Variants in C2orf42 observed in about 807,000 individuals in gnomAD.
The protein encoded by C2orf42 is uncharacterized protein C2orf42.
A neutral mutation model predicts 58.9 loss-of-function variants in C2orf42; 44 were observed. The observed-to-expected ratio is 0.75, with a 90% CI of 0.59 to 0.96. The LOEUF is 0.96. C2orf42 is among the 40% of genes least tolerant of loss of function. The probability of loss-of-function intolerance (pLI) is 0.00; values close to 1 mark genes in which losing one functional copy is unlikely to be tolerated. For synonymous variants in C2orf42, 239 were observed against 265.4 expected (o/e 0.90, Z 0.97); for missense variants, 630 against 699.2 (o/e 0.90, Z 1.12).
chr2:70,182,041 C>A, intron 2 of C2orf42, 44 bp from the exon 3 acceptor site: 1 of 858,846 alleles, frequency 1.2e-6, no homozygotes, highest in Non-Finnish European at 1.8e-6. Flanking sequence ...TACCTTCACA[C>A]ACAAAAAGTT....
intron 1 of C2orf42, among the ~76,000 whole-genome samples, chr2:70,186,558 C>T (rs184074192): frequency 2.0e-5 from 3 of 152,302 alleles, no homozygotes; most frequent in African/African-American, 7.2e-5. Context: ...GGCGATTCCT[C>T]AGGGATCTAG....
At chr2:70,166,625 G>A (rs912382640) in intron 6 of C2orf42, among the ~76,000 whole-genome samples, 26 of 150,618 alleles carry the variant, frequency 1.7e-4, no homozygotes, top group African/African-American at 5.9e-4. Flanking sequence ...GCAGTGAGCC[G>A]AGATCATGCC....
Position 70,160,663 on chromosome 2 carries a change from A to G in C2orf42, c.1478T>C (p.Val493Ala). 1.2e-6 allele frequency: 2 copies of G among 1,610,256 alleles called. No individual in the cohort carries two copies. Among genetic ancestry groups the G allele is most frequent in the South Asian group, 2.2e-5 (2 of 90,292 alleles). ...ETYGRIEKQP[V>A]LRPLELKTFL... Reference sequence around the variant, plus strand: ...AGTTTTTAGTTCCAAGGGTCGCAGCACTGGTTGTTTTTCTATACGACCGTA... The same window carrying G: ...AGTTTTTAGTTCCAAGGGTCGCAGCGCTGGTTGTTTTTCTATACGACCGTA... The change falls in exon 9 of 10, where the codon GTG (valine) becomes GCG (alanine). Residue 493 changes from valine (V) to alanine (A), a missense_variant. Val to Ala is a moderately conservative substitution (Grantham distance 64, BLOSUM62 0). Transcript: ENST00000264434.
intron 9 of C2orf42, among the ~76,000 whole-genome samples, chr2:70,151,961 G>A (rs1214726005): frequency 6.6e-6 from 1 of 152,010 alleles, no homozygotes; most frequent in African/African-American, 2.4e-5. Flanking sequence ...ATTTTTAGTA[G>A]AGACAGGGTT....
intron 1 of C2orf42, among the ~76,000 whole-genome samples, chr2:70,187,083 C>T (rs909006275): frequency 6.6e-6 from 1 of 151,704 alleles, no homozygotes; most frequent in African/African-American, 2.4e-5. Flanking sequence ...TGCACATGTA[C>T]CCTAAAACTT....
rs1342093930 is a variant in C2orf42 at position 70,179,736 on chromosome 2, A to T, written c.824-94T>A. 6.2e-6 allele frequency: 3 copies of T among 484,164 alleles called. No homozygotes were observed. The East Asian group carries it at 9.3e-5, about 15-fold the overall frequency. 30.0% of individuals were successfully genotyped at this position (484,164 alleles called of 1,614,324 possible). On this transcript the variant is annotated intron_variant, in intron 3 of 9. Transcript: ENST00000264434. ...AGCGAAAAGTTAATTTCTTTTTAAA[A>T]ATCCCCCAAACGAATTATCCCAGGC...
chr2:70,169,868 C>T (rs1673676511), intron 5 of C2orf42, among the ~76,000 whole-genome samples: 1 of 152,102 alleles, frequency 6.6e-6, no homozygotes, highest in African/African-American at 2.4e-5. Flanking sequence ...AAGCGATTCT[C>T]CTGCCTCAGC....
intron 5 of C2orf42, among the ~76,000 whole-genome samples, chr2:70,170,655 G>C (rs1673744655): frequency 6.6e-6 from 1 of 151,902 alleles, no homozygotes; most frequent in Non-Finnish European, 1.5e-5. Flanking sequence ...TCTGGAGGCT[G>C]AGGTGGGAGA....
At chr2:70,169,434 C>G in intron 6 of C2orf42, 123 bp downstream of exon 6, 1 of 455,578 alleles carries the variant, frequency 2.2e-6, no homozygotes, top group Non-Finnish European at 3.9e-6. Flanking sequence ...TTTCTACTTT[C>G]TTGTGGCCCA....
chr2:70,176,501 C>CA lies in C2orf42; in HGVS notation c.935-725dup, dbSNP rs59582998. ...CCTGGGCGACAGAGCGAGACTGTCTCAAAAAAAAAAAAAAATTATTTGTTA... is the reference window on the plus strand; with the variant it reads ...CCTGGGCGACAGAGCGAGACTGTCTCAAAAAAAAAAAAAAAATTATTTGTTA... On this transcript the variant is annotated intron_variant, in intron 4 of 9. Transcript: ENST00000264434. Among the ~76,000 whole-genome samples, 1,070 of 123,830 alleles carry CA rather than the reference C, an allele frequency of 8.6e-3. 11 individuals carry two copies. Among genetic ancestry groups the CA allele is most frequent in the African/African-American group, 0.026 (853 of 33,052 alleles). The allele number at this position is 123,830 out of a possible 152,430, so 81.2% of individuals were successfully genotyped here.
intron 1 of C2orf42, among the ~76,000 whole-genome samples, chr2:70,185,054 C>T (rs1411948378): frequency 1.3e-5 from 2 of 150,562 alleles, no homozygotes; most frequent in Non-Finnish European, 2.9e-5. Context: ...CATGCCACTG[C>T]ACTCCAGCCT....
chr2:70,183,216 C>T (rs571357834), intron 1 of C2orf42, among the ~76,000 whole-genome samples: 1 of 152,066 alleles, frequency 6.6e-6, no homozygotes, highest in African/African-American at 2.4e-5. Context: ...GGTGGAGGAT[C>T]ACTTGAGCCC....
chr2:70,181,797 A>C lies in C2orf42; in HGVS notation c.189T>G (p.Ala63=). The C allele has an allele frequency of 6.2e-7, 1 of 1,614,152 alleles. No individual in the cohort carries two copies. Among genetic ancestry groups the C allele is most frequent in the Non-Finnish European group, 8.5e-7 (1 of 1,180,024 alleles). Residue 63 remains alanine (A), a synonymous_variant, in exon 3 of 10, where the codon GCT becomes GCG. Coordinates refer to ENST00000264434, the MANE Select transcript of C2orf42 (RefSeq NM_017880.3). ...YGARKQPSVE[A]VKIITGSDLQ... The stretch of plus-strand genomic sequence containing the variant: ...GATCAGAGCCTGTAATGATTTTGAC[A>C]GCTTCAACACTAGGCTGCTTGCGTG...
chr2:70,181,925 T>A lies in C2orf42; in HGVS notation c.61A>T (p.Thr21Ser), dbSNP rs1238966680. 6.2e-7 allele frequency: 1 copy of A among 1,614,040 alleles called. No individual in the cohort carries two copies. Among genetic ancestry groups the A allele is most frequent in the African/African-American group, 1.3e-5 (1 of 75,050 alleles). ...GGACACTTTCTGATTCCCCTCAATG[T>A]GGCCTTCCCCAAATCAGATAAGAAA... is the stretch of plus-strand genomic sequence containing the variant. The part of the protein sequence containing the change: ...PAFLSDLGKA[T>S]LRGIRKCPRC... The change falls in exon 3 of 10, where the codon ACA becomes TCA. Residue 21 changes from threonine (T) to serine (S), a missense_variant. Transcript: ENST00000264434.
chr2:70,188,543 G>A (rs941545279), intron 1 of C2orf42, among the ~76,000 whole-genome samples: 2 of 152,122 alleles, frequency 1.3e-5, no homozygotes, highest in African/African-American at 4.8e-5. Context: ...TAGATTTTCA[G>A]AAAAGTGGCA....
chr2:70,153,454 G>A (rs543072620), intron 9 of C2orf42, among the ~76,000 whole-genome samples: 5 of 150,634 alleles, frequency 3.3e-5, no homozygotes. Flanking sequence ...TGCCTCCCAG[G>A]TTCATGCCAT....
At chr2:70,154,383 T>G (rs2104828002) in intron 9 of C2orf42, among the ~76,000 whole-genome samples, 1 of 95,078 alleles carries the variant, frequency 1.1e-5, no homozygotes, top group South Asian at 3.2e-4. Flanking sequence ...GGCAACATAG[T>G]AAGACCCCCA....
chr2:70,181,063 G>T, intron 3 of C2orf42, 100 bp downstream of exon 3: 1 of 489,338 alleles, frequency 2.0e-6, no homozygotes, highest in Non-Finnish European at 3.7e-6. Flanking sequence ...TCTAGCAACT[G>T]TTTCTGAAGG....
At chr2:70,189,648 G>A (rs1346834426) in intron 1 of C2orf42, among the ~76,000 whole-genome samples, 2 of 150,480 alleles carry the variant, frequency 1.3e-5, no homozygotes, top group African/African-American at 2.4e-5. Flanking sequence ...ACCCTGGGGG[G>A]TGGAGCCTGC....
Sources: gnomAD v4.1 joint callset for allele counts (sites outside exome capture counted in the v4.1 genomes callset) on GRCh38, gnomAD v4.1.1 for gene constraint, MANE v1.5 for transcripts, NCBI Gene and HGNC (gene_info 2026-07-23, HGNC 2026-07-21) for gene names.